UBAC2: variants seen among roughly 807,000 people sequenced by gnomAD.
UBAC2 encodes the protein ubiquitin-associated domain-containing protein 2.
In UBAC2, 26 loss-of-function variants were observed where a neutral mutation model predicts 44.0. The observed-to-expected ratio is 0.59, with a 90% CI of 0.43 to 0.82. The LOEUF is 0.82. Among genes scored for constraint, UBAC2 ranks in the 40% least tolerant of loss-of-function variants. UBAC2 has a pLI of 0.00. For missense variants in UBAC2, 329 were observed against 419.4 expected (o/e 0.78, Z 1.88); for synonymous variants, 155 against 154.3 (o/e 1.00, Z -0.04).
intron 4 of UBAC2, among the ~76,000 whole-genome samples, chr13:99,266,561 G>T (rs996023323): frequency 2.6e-5 from 4 of 152,166 alleles, no homozygotes; most frequent in Admixed American, 6.5e-5. Flanking sequence ...GTTTTTCTCT[G>T]TAGGACTATG....
intron 4 of UBAC2, chr13:99,255,482 C>G: frequency 1.2e-6 from 2 of 1,614,050 alleles, no homozygotes; most frequent in Non-Finnish European, 1.7e-6. Context: ...TTTTTAAGTT[C>G]TTTGGCGTAC....
chr13:99,365,439 A>T (rs2045317936), intron 7 of UBAC2, among the ~76,000 whole-genome samples: 1 of 152,122 alleles, frequency 6.6e-6, no homozygotes. Flanking sequence ...TCAATATTTA[A>T]AAATTACATC....
intron 1 of UBAC2, among the ~76,000 whole-genome samples, chr13:99,233,026 T>G (rs1476778599): frequency 1.3e-5 from 2 of 152,222 alleles, no homozygotes; most frequent in Non-Finnish European, 1.5e-5. Flanking sequence ...ATTTCAAAAA[T>G]ATATTTTCTA....
intron 8 of UBAC2, chr13:99,377,286 A>G (rs9517701): frequency 0.13 from 20,409 of 152,338 alleles, 1,611 homozygotes; most frequent in East Asian, 0.33. Context: ...GCAAGTACCT[A>G]GTGCCAGTCC....
At chr13:99,202,276 A>G (rs2042813446) in intron 1 of UBAC2, among the ~76,000 whole-genome samples, 1 of 152,134 alleles carries the variant, frequency 6.6e-6, no homozygotes, top group Non-Finnish European at 1.5e-5. Flanking sequence ...GATTTATGGC[A>G]TCTTTCATGG....
In UBAC2 at chr13:99,386,330, C is replaced by G. The variant is rs1007852429; in HGVS notation, c.*995C>G. ...AAGACCCGAAGCAAGTTGACTCTTG[C>G]AATGTGCAACTGTTATGTTCTGCAA... On this transcript the variant is annotated 3_prime_UTR_variant, in exon 9 of 9. Transcript: ENST00000403766. 6.6e-5 allele frequency: 10 copies of G among 152,260 alleles called. No individual in the cohort carries two copies. The East Asian group carries it at 1.5e-3, about 23-fold the overall frequency. 9.4% of individuals were successfully genotyped at this position (152,260 alleles called of 1,614,324 possible).
chr13:99,368,826 C>T (rs1190504896), intron 8 of UBAC2, among the ~76,000 whole-genome samples: 1 of 151,996 alleles, frequency 6.6e-6, no homozygotes, highest in African/African-American at 2.4e-5. Context: ...ACACTCCTCC[C>T]CACTAAAAGG....
intron 6 of UBAC2, among the ~76,000 whole-genome samples, chr13:99,319,705 A>G (rs1216001989): frequency 1.3e-5 from 2 of 152,174 alleles, no homozygotes; most frequent in Non-Finnish European, 2.9e-5. Context: ...CAAAACACCT[A>G]AGCTATCCGT....
intron 4 of UBAC2, among the ~76,000 whole-genome samples, chr13:99,285,302 C>G (rs11618451): frequency 0.095 from 14,444 of 151,940 alleles, 753 homozygotes; most frequent in East Asian, 0.13. Flanking sequence ...TCCTCTTCTT[C>G]CTCCCTTTGG....
intron 1 of UBAC2, among the ~76,000 whole-genome samples, chr13:99,218,777 G>A (rs1057050381): frequency 6.6e-6 from 1 of 152,018 alleles, no homozygotes; most frequent in Admixed American, 6.6e-5. Context: ...AAATAAACCT[G>A]GAACCTTTTG....
At chr13:99,201,598 A>C in intron 1 of UBAC2, 1 of 1,612,140 alleles carries the variant, frequency 6.2e-7, no homozygotes, top group Non-Finnish European at 8.5e-7. Context: ...ACAGCCAGTT[A>C]AACGGCTTTT....
intron 4 of UBAC2, among the ~76,000 whole-genome samples, chr13:99,259,843 C>G (rs964971543): frequency 6.6e-6 from 1 of 152,176 alleles, no homozygotes; most frequent in African/African-American, 2.4e-5. Context: ...TGGCATGTGT[C>G]TAGAAGAGTC....
chr13:99,260,516 C>T (rs948169448), intron 4 of UBAC2, among the ~76,000 whole-genome samples: 6 of 152,166 alleles, frequency 3.9e-5, no homozygotes, highest in African/African-American at 1.4e-4. Context: ...TGAGGTCTGT[C>T]GTCCTCCCCT....
chr13:99,358,437 T>TA (rs2045219189), intron 7 of UBAC2, among the ~76,000 whole-genome samples: 1 of 152,186 alleles, frequency 6.6e-6, no homozygotes, highest in South Asian at 2.1e-4. Context: ...AGTCAGACAT[T>TA]AAAGAGATTT....
At chr13:99,244,083 T>G in intron 3 of UBAC2, 132 bp downstream of exon 3, 1 of 729,564 alleles carries the variant, frequency 1.4e-6, no homozygotes, top group Non-Finnish European at 2.1e-6. Context: ...TGTATCTGAT[T>G]TGAGGCACAT....
intron 7 of UBAC2, among the ~76,000 whole-genome samples, chr13:99,345,035 A>G (rs2044952766): frequency 1.3e-5 from 2 of 152,160 alleles, no homozygotes; most frequent in African/African-American, 4.8e-5. Flanking sequence ...GCCAAAAAAG[A>G]TTTCAGGAAG....
chr13:99,287,643 C>CTTTTTTTTTTTTTTTTTTTTTTT (rs11304203), intron 4 of UBAC2, among the ~76,000 whole-genome samples: 13 of 95,160 alleles, frequency 1.4e-4, no homozygotes, highest in Middle Eastern at 7.2e-3. Context: ...TTTTTTCTTT[C>CTTTTTTTTTTTTTTTTTTTTTTT]TTTTTTTTTT....
chr13:99,329,296 C>G (rs1168728649), intron 6 of UBAC2, among the ~76,000 whole-genome samples: 1 of 152,126 alleles, frequency 6.6e-6, no homozygotes, highest in Admixed American at 6.5e-5. Flanking sequence ...TTAATATACA[C>G]TCTACAATCA....
chr13:99,290,159 T>C (rs573285516), intron 4 of UBAC2, among the ~76,000 whole-genome samples: 6 of 152,282 alleles, frequency 3.9e-5, no homozygotes, highest in African/African-American at 1.2e-4. Flanking sequence ...CTCTGGAGCA[T>C]AGTTTCATCA....
Sources: gnomAD v4.1 joint callset for allele counts (sites outside exome capture counted in the v4.1 genomes callset) on GRCh38, gnomAD v4.1.1 for gene constraint, MANE v1.5 for transcripts, NCBI Gene and HGNC (gene_info 2026-07-23, HGNC 2026-07-21) for gene names.